Variants in B4GALNT2 observed in about 807,000 individuals in gnomAD.
B4GALNT2 encodes the protein beta-1,4-N-acetyl-galactosaminyltransferase 2 (SID blood group), also known as N-acetylneuraminylgalactosylglucosyl-glucoside beta-1,4-N- acetylgalactosaminyltransferase 2.
Under a neutral mutation model 51.1 loss-of-function variants are expected in B4GALNT2, and 42 were observed. The observed-to-expected ratio is 0.82, with a 90% CI of 0.64 to 1.06. The LOEUF (loss-of-function observed/expected upper bound fraction) is 1.06, where lower values mean the gene tolerates loss of function less well. Among genes scored for constraint, B4GALNT2 ranks in the 50% least tolerant of loss-of-function variants. The pLI is 0.00. For missense variants in B4GALNT2, 602 were observed against 633.6 expected (o/e 0.95, Z 0.54); for synonymous variants, 253 against 251.7 (o/e 1.01, Z -0.05).
chr17:49,123,957 T>G, the B4GALNT2 span, among the ~76,000 whole-genome samples: 2 of 152,208 alleles, frequency 1.3e-5, no homozygotes, highest in East Asian at 1.9e-4. Context: ...GAAAACAGAT[T>G]CTTATTGCAC....
intron 1 of B4GALNT2, among the ~76,000 whole-genome samples, chr17:49,138,193 G>A (rs1015542693): frequency 6.6e-6 from 1 of 152,162 alleles, no homozygotes; most frequent in Non-Finnish European, 1.5e-5. Context: ...CATGGCAATA[G>A]ACTTAAAGAT....
chr17:49,141,897 G>T (rs917046322), intron 2 of B4GALNT2, 138 bp from the exon 3 acceptor site: 3 of 1,098,110 alleles, frequency 2.7e-6, no homozygotes, highest in South Asian at 2.9e-5. Context: ...GGACTCCAGG[G>T]TCTCATCATC....
At position 49,172,670 on chromosome 17, in the gene B4GALNT2, G is replaced by T. The variant is rs2042964532; in HGVS notation, c.*2942G>T. 6.5e-6 allele frequency: 1 copy of T among 153,448 alleles called. No homozygotes were observed. Among genetic ancestry groups the T allele is most frequent in the Non-Finnish European group, 1.5e-5 (1 of 68,028 alleles). The allele number at this position is 153,448 out of a possible 1,614,324, so 9.5% of individuals were successfully genotyped here. A position where few individuals can be genotyped will look rare whatever the true frequency, so the allele number is the denominator to read the frequency against. ...AGTAATGTGTTTAATATTCCATATA[G>T]AGAAAAATGTAGCTAGAGCTTGGCT... On this transcript the variant is annotated 3_prime_UTR_variant, in exon 11 of 11. Transcript: ENST00000393354.
rs913499194 is a variant in B4GALNT2, at chr17:49,174,214, C to T, written c.*4486C>T. 4 of 152,006 alleles carry T rather than the reference C, an allele frequency of 2.6e-5. No homozygotes were observed. The highest frequency in any genetic ancestry group is 4.8e-5 in the African/African-American group (2 of 41,402). The allele number at this position is 152,006 out of a possible 1,614,324, so 9.4% of individuals were successfully genotyped here. A position where few individuals can be genotyped will look rare whatever the true frequency, so the allele number is the denominator to read the frequency against. On this transcript the variant is annotated 3_prime_UTR_variant, in exon 11 of 11. Coordinates refer to ENST00000393354, the MANE Select transcript of B4GALNT2 (RefSeq NM_001159387.2). ...ATCATAACATTGGAGTAATATTTCT[C>T]GAGTGGGGGGCAGCACAAAGTATAT...
intron 9 of B4GALNT2, among the ~76,000 whole-genome samples, chr17:49,168,144 T>C (rs1047041196): frequency 2.0e-5 from 3 of 152,166 alleles, no homozygotes; most frequent in Non-Finnish European, 4.4e-5. Context: ...TATGATTCTT[T>C]CAGAAATAGA....
upstream of B4GALNT2, among the ~76,000 whole-genome samples, chr17:49,131,116 G>A (rs1396089450): frequency 6.6e-6 from 1 of 152,200 alleles, no homozygotes; most frequent in African/African-American, 2.4e-5. Context: ...CATCTGAGAA[G>A]TGCCTGACAG....
rs527449157 is a variant in B4GALNT2, at chr17:49,161,609, T to TA, written c.766+968_766+969insA. ...TAACTTTTAAATTAGAAGTAAAACT[T>TA]GAATATATGCCACAGTTCATACCAA... On this transcript the variant is annotated intron_variant, in intron 7 of 10. Coordinates refer to ENST00000393354, the MANE Select transcript of B4GALNT2 (RefSeq NM_001159387.2). Among the ~76,000 whole-genome samples the TA allele has an allele frequency of 3.3e-3, 504 of 152,028 alleles. 1 individual carries two copies. The highest frequency in any genetic ancestry group is 0.011 in the African/African-American group (472 of 41,472).
chr17:49,142,493 C>G (rs953831945), intron 3 of B4GALNT2, among the ~76,000 whole-genome samples: 1 of 151,682 alleles, frequency 6.6e-6, no homozygotes, highest in Non-Finnish European at 1.5e-5. Flanking sequence ...AGTTTGAGAC[C>G]AGCTTGGGCA....
At chr17:49,143,118 G>A (rs1376244898) in intron 3 of B4GALNT2, among the ~76,000 whole-genome samples, 12 of 151,976 alleles carry the variant, frequency 7.9e-5, no homozygotes, top group African/African-American at 1.9e-4. Flanking sequence ...GCATGGTGAC[G>A]CACGCTTGTA....
intron 3 of B4GALNT2, among the ~76,000 whole-genome samples, chr17:49,147,402 T>C (rs1359708131): frequency 3.3e-5 from 5 of 149,318 alleles, no homozygotes; most frequent in Non-Finnish European, 5.9e-5. Context: ...TGAGACAAGG[T>C]CTGGCTCTGC....
At chr17:49,131,510 TCC>T (rs1375124032), upstream of B4GALNT2, among the ~76,000 whole-genome samples, 21 of 141,208 alleles carry the variant, frequency 1.5e-4, no homozygotes, top group African/African-American at 2.6e-4. Context: ...TTTCTTTTTT[TCC>T]CTTTTTTTGA....
Position 49,168,919 on chromosome 17 carries a change from T to A in B4GALNT2, c.1315+19T>A, listed in dbSNP as rs374484307. The A allele has an allele frequency of 1.2e-6, 2 of 1,606,272 alleles. No homozygotes were observed. The highest frequency in any genetic ancestry group is 1.3e-5 in the African/African-American group (1 of 74,682). ...CACTCAGGTGGGAAGGCTGAAAGAG[T>A]GAGGGAGGGAGCTGGGCTGGGAATT... On this transcript the variant is annotated intron_variant, in intron 10 of 10. Coordinates refer to ENST00000393354, the MANE Select transcript of B4GALNT2 (RefSeq NM_001159387.2).
Position 49,150,719 on chromosome 17 carries a change from C to A in B4GALNT2, c.354-2081C>A, listed in dbSNP as rs867168737. Reference sequence around the variant, plus strand: ...TGTGCTTTGTTAAACAGATGCTTGACGGCAGCATGCTCGTTAAGAGTCATC... The same window carrying A: ...TGTGCTTTGTTAAACAGATGCTTGAAGGCAGCATGCTCGTTAAGAGTCATC... On this transcript the variant is annotated intron_variant, in intron 3 of 10. Transcript: ENST00000393354. Among the ~76,000 whole-genome samples, 74 of 150,850 alleles carry A rather than the reference C, an allele frequency of 4.9e-4. 4 individuals are homozygous for A. The East Asian group carries it at 0.013, about 27-fold the overall frequency.
Position 49,160,550 on chromosome 17 carries a change from T to C in B4GALNT2, c.680-5T>C. On this transcript the variant is annotated splice_region_variant and splice_polypyrimidine_tract_variant and intron_variant, in intron 6 of 10. Transcript: ENST00000393354. ...CCTGTGCCATTATCTTATTTCTCCC[T>C]CCAGTGAGTCTGGAGTCCAGGTCCT... The C allele has an allele frequency of 6.2e-7, 1 of 1,612,908 alleles. No individual in the cohort carries two copies. Among genetic ancestry groups the C allele is most frequent in the Non-Finnish European group, 8.5e-7 (1 of 1,178,888 alleles).
rs35602258 is a variant in B4GALNT2 at position 49,152,842 on chromosome 17, C to T, written c.396C>T (p.Asn132=). ...CACTGCCCCTGCTGGTCCAGCCCAA[C>T]CTCCCCTTTGGGTACCCAGTCCACG... The part of the protein sequence containing the change: ...PRPLPLLVQP[N]LPFGYPVHGV... Residue 132 remains asparagine, a synonymous_variant, in exon 4 of 11, where the codon AAC becomes AAT. Transcript: ENST00000393354. 3,131 of 1,610,938 alleles carry T rather than the reference C, an allele frequency of 1.9e-3. 53 individuals are homozygous for T. The African/African-American group carries it at 0.035, about 18-fold the overall frequency.
the B4GALNT2 span, among the ~76,000 whole-genome samples, chr17:49,126,785 C>T: frequency 6.5e-3 from 989 of 152,088 alleles, 5 homozygotes; most frequent in Non-Finnish European, 0.01. Flanking sequence ...CAGTCTCCAC[C>T]TCCTGGGTTC....
At chr17:49,131,101 C>T (rs182473692), upstream of B4GALNT2, among the ~76,000 whole-genome samples, 89 of 152,306 alleles carry the variant, frequency 5.8e-4, no homozygotes, top group Middle Eastern at 3.4e-3. Flanking sequence ...TAGGCTCAGT[C>T]TTCACATCTG....
At position 49,171,166 on chromosome 17, in the gene B4GALNT2, T is replaced by G; in HGVS notation, c.*1438T>G. On this transcript the variant is annotated 3_prime_UTR_variant, in exon 11 of 11. Coordinates refer to ENST00000393354, the MANE Select transcript of B4GALNT2 (RefSeq NM_001159387.2). ...CCTGTTCCCAACACGTTCCCCTTTT[T>G]GTTTTCCAAAGTGATAAAAGCAAAG... The G allele has an allele frequency of 4.4e-6, 1 of 227,192 alleles. No individual in the cohort carries two copies. Among genetic ancestry groups the G allele is most frequent in the South Asian group, 5.2e-5 (1 of 19,224 alleles). 14.1% of individuals were successfully genotyped at this position (227,192 alleles called of 1,614,324 possible).
At position 49,161,961 on chromosome 17, in the gene B4GALNT2, T is replaced by A. The variant is rs201489823; in HGVS notation, c.766+1320T>A. The stretch of plus-strand genomic sequence containing the variant: ...TAAAGAAAAAATTAAAAATATAAAA[T>A]ATATAAAATTTTATATATTAAAATT... On this transcript the variant is annotated intron_variant, in intron 7 of 10. Transcript: ENST00000393354. 2.6e-4 allele frequency among the ~76,000 whole-genome samples: 40 copies of A among 151,214 alleles called. No individual in the cohort carries two copies. In the East Asian group the frequency reaches 7.5e-3, roughly 29 times the overall value.
Sources: gnomAD v4.1 joint callset for allele counts (sites outside exome capture counted in the v4.1 genomes callset) on GRCh38, gnomAD v4.1.1 for gene constraint, MANE v1.5 for transcripts, NCBI Gene and HGNC (gene_info 2026-07-23, HGNC 2026-07-21) for gene names.